The following DENND1A variants were observed in gnomAD, a reference collection of about 807,000 sequenced individuals.
The protein encoded by DENND1A is DENN domain-containing protein 1A.
In DENND1A, 51 loss-of-function variants were observed where a neutral mutation model predicts 113.7. That is an observed-to-expected ratio of 0.45 (90% CI 0.36 to 0.57). The LOEUF is 0.57. DENND1A is among the 20% of genes least tolerant of loss of function. DENND1A has a pLI of 0.00. For synonymous variants in DENND1A, 565 were observed against 570.8 expected, an observed-to-expected ratio of 0.99 and a Z score of 0.14; for missense variants, 1,258 against 1,395.9, an observed-to-expected ratio of 0.90 and a Z score of 1.57.
At chr9:123,679,496 C>T (rs2064303754) in intron 5 of DENND1A, among the ~76,000 whole-genome samples, 1 of 152,244 alleles carries the variant, frequency 6.6e-6, no homozygotes, top group South Asian at 2.1e-4. Flanking sequence ...TGGAAATCAG[C>T]CATTTCTTTC....
At chr9:123,889,969 A>G (rs576529909) in intron 1 of DENND1A, among the ~76,000 whole-genome samples, 37 of 152,180 alleles carry the variant, frequency 2.4e-4, no homozygotes, top group African/African-American at 8.7e-4. Flanking sequence ...GTGAAACTCC[A>G]TCTTCGGGAA....
intron 3 of DENND1A, among the ~76,000 whole-genome samples, chr9:123,771,378 T>C (rs1829701458): frequency 6.6e-6 from 1 of 152,128 alleles, no homozygotes; most frequent in African/African-American, 2.4e-5. Context: ...ACACACAAAT[T>C]CCTTACAAAT....
At chr9:123,463,026 A>C (rs1309923651) in intron 13 of DENND1A, among the ~76,000 whole-genome samples, 4 of 152,158 alleles carry the variant, frequency 2.6e-5, no homozygotes, top group African/African-American at 9.7e-5. Context: ...GAGAAGAGTA[A>C]GGCAAGGTGT....
chr9:123,632,657 C>T (rs369175530), intron 9 of DENND1A, among the ~76,000 whole-genome samples: 1 of 152,136 alleles, frequency 6.6e-6, no homozygotes, highest in African/African-American at 2.4e-5. Flanking sequence ...GATGGCTCCA[C>T]CAGCCCACGG....
chr9:123,609,938 A>C (rs964221231), intron 10 of DENND1A, among the ~76,000 whole-genome samples: 19 of 152,364 alleles, frequency 1.2e-4, no homozygotes, highest in South Asian at 4.1e-4. Context: ...GTTTCAAAGA[A>C]GAATATTTTG....
intron 2 of DENND1A, among the ~76,000 whole-genome samples, chr9:123,825,614 G>A (rs918487599): frequency 1.3e-5 from 2 of 152,236 alleles, no homozygotes; most frequent in Non-Finnish European, 2.9e-5. Flanking sequence ...CCCATCTACC[G>A]TAAGATGCAT....
chr9:123,514,726 T>C (rs529135445), intron 13 of DENND1A, among the ~76,000 whole-genome samples: 1 of 152,312 alleles, frequency 6.6e-6, no homozygotes, highest in African/African-American at 2.4e-5. Flanking sequence ...TATGGGAAGA[T>C]GGATACAGAA....
intron 1 of DENND1A, among the ~76,000 whole-genome samples, chr9:123,888,836 C>G (rs1371503952): frequency 6.6e-6 from 1 of 152,098 alleles, no homozygotes; most frequent in South Asian, 2.1e-4. Flanking sequence ...AACAAATTGC[C>G]ATTAACTTGC....
intron 15 of DENND1A, among the ~76,000 whole-genome samples, chr9:123,456,622 C>T (rs962845690): frequency 2.6e-5 from 4 of 152,090 alleles, no homozygotes; most frequent in African/African-American, 4.8e-5. Context: ...ACCAGCCTGA[C>T]CAACATGGCG....
At chr9:123,774,720 A>G (rs1830221430) in intron 3 of DENND1A, among the ~76,000 whole-genome samples, 1 of 152,180 alleles carries the variant, frequency 6.6e-6, no homozygotes, top group South Asian at 2.1e-4. Context: ...TTTACTTTTT[A>G]TAAACTTCAG....
At chr9:123,397,096 T>C (rs376300746) in intron 21 of DENND1A, among the ~76,000 whole-genome samples, 26 of 152,350 alleles carry the variant, frequency 1.7e-4, no homozygotes, top group African/African-American at 5.8e-4. Context: ...GAGGATTCAA[T>C]GAAATGGTGT....
chr9:123,760,921 CA>C (rs1255911606), intron 4 of DENND1A, among the ~76,000 whole-genome samples: 2 of 152,092 alleles, frequency 1.3e-5, no homozygotes, highest in Non-Finnish European at 2.9e-5. Flanking sequence ...CGTGATCATA[CA>C]AAATATGATT....
intron 8 of DENND1A, among the ~76,000 whole-genome samples, chr9:123,654,377 C>A (rs949983715): frequency 3.9e-5 from 6 of 152,114 alleles, no homozygotes; most frequent in Non-Finnish European, 8.8e-5. Context: ...CTGAAGCCAC[C>A]AAAACGTGGC....
At chr9:123,724,982 G>C (rs1288535976) in intron 5 of DENND1A, among the ~76,000 whole-genome samples, 1 of 152,132 alleles carries the variant, frequency 6.6e-6, no homozygotes, top group Admixed American at 6.5e-5. Flanking sequence ...ATTAACAAAT[G>C]CATCTTCAGG....
At position 123,494,459 on chromosome 9, in the gene DENND1A, C is replaced by T. The variant is rs78254696; in HGVS notation, c.994-36562G>A. Reference sequence around the variant, plus strand: ...GGCCAAATGACTTTTAAGGGATAGACCTAGGACTAGAAACCAGGACTCCTG... The same window carrying T: ...GGCCAAATGACTTTTAAGGGATAGATCTAGGACTAGAAACCAGGACTCCTG... On this transcript the variant is annotated intron_variant, in intron 13 of 23. Coordinates refer to ENST00000394215, the MANE Select transcript of DENND1A (RefSeq NM_001352964.2). 6.1e-3 allele frequency among the ~76,000 whole-genome samples: 936 copies of T among 152,268 alleles called. 11 individuals are homozygous for T. Among genetic ancestry groups the T allele is most frequent in the African/African-American group, 0.021 (870 of 41,552 alleles).
chr9:123,746,324 T>C lies in DENND1A; in HGVS notation c.302+11379A>G, dbSNP rs567839783. 2.4e-4 allele frequency among the ~76,000 whole-genome samples: 36 copies of C among 152,256 alleles called. No homozygotes were observed. In the South Asian group the frequency reaches 2.7e-3, roughly 11 times the overall value. On this transcript the variant is annotated intron_variant, in intron 5 of 23. Coordinates refer to ENST00000394215, the MANE Select transcript of DENND1A (RefSeq NM_001352964.2). Reference sequence around the variant, plus strand: ...GTCCACAATTTGCCACTGAAATAACTGAGACAAAAACCAAATGACAGCCAA... The same window carrying C: ...GTCCACAATTTGCCACTGAAATAACCGAGACAAAAACCAAATGACAGCCAA...
chr9:123,921,104 A>C (rs78454018), intron 1 of DENND1A, among the ~76,000 whole-genome samples: 2 of 152,150 alleles, frequency 1.3e-5, no homozygotes, highest in Non-Finnish European at 2.9e-5. Context: ...ACCAAAAAAA[A>C]CTGTAATACT....
intron 13 of DENND1A, among the ~76,000 whole-genome samples, chr9:123,467,266 A>C (rs2049034541): frequency 6.6e-6 from 1 of 152,086 alleles, no homozygotes; most frequent in African/African-American, 2.4e-5. Flanking sequence ...AGGCACTAGA[A>C]AATTGTATGG....
At chr9:123,850,316 A>T (rs1843154504) in intron 2 of DENND1A, among the ~76,000 whole-genome samples, 1 of 152,240 alleles carries the variant, frequency 6.6e-6, no homozygotes, top group African/African-American at 2.4e-5. Context: ...AGCCATCAAC[A>T]TTTAGACAAG....
Sources: allele counts gnomAD v4.1 joint callset (sites outside exome capture counted in the v4.1 genomes callset), GRCh38; gene constraint gnomAD v4.1.1; transcripts MANE v1.5; gene names NCBI Gene and HGNC (gene_info 2026-07-23, HGNC 2026-07-21).